The following SLX4IP variants were observed in gnomAD, a reference collection of about 807,000 sequenced individuals.
SLX4IP encodes protein SLX4IP.
SLX4IP carries 34 observed loss-of-function variants against 32.9 expected under a neutral mutation model. The observed-to-expected ratio is 1.03, with a 90% CI of 0.79 to 1.38. SLX4IP has a LOEUF of 1.38. SLX4IP is among the 40% of genes most tolerant of loss of function. The probability of loss-of-function intolerance (pLI) is 0.00; values close to 1 mark genes in which losing one functional copy is unlikely to be tolerated. For synonymous variants in SLX4IP, 172 were observed against 171.7 expected, an observed-to-expected ratio of 1.00 and a Z score of -0.01; for missense variants, 444 against 479.0, an observed-to-expected ratio of 0.93 and a Z score of 0.68.
intron 2 of SLX4IP, among the ~76,000 whole-genome samples, chr20:10,478,188 C>T (rs1439499843): frequency 2.0e-5 from 3 of 152,154 alleles, no homozygotes; most frequent in South Asian, 4.1e-4. Flanking sequence ...TGTGAGCCAC[C>T]GCGCCCGGCC....
At chr20:10,585,018 C>A (rs1022827120) in intron 4 of SLX4IP, among the ~76,000 whole-genome samples, 3 of 152,064 alleles carry the variant, frequency 2.0e-5, no homozygotes, top group African/African-American at 7.2e-5. Context: ...AGAAAGCAAG[C>A]AAGCATGCAA....
chr20:10,535,182 A>C (rs1049076423), intron 2 of SLX4IP, among the ~76,000 whole-genome samples: 1 of 152,106 alleles, frequency 6.6e-6, no homozygotes, highest in Admixed American at 6.5e-5. Context: ...CTTGGCCTGG[A>C]GGCATGGAAG....
chr20:10,480,112 G>A (rs2065508959), intron 2 of SLX4IP, among the ~76,000 whole-genome samples: 2 of 152,074 alleles, frequency 1.3e-5, no homozygotes, highest in African/African-American at 2.4e-5. Context: ...GTAGTCACTC[G>A]GTTGGGTGCG....
chr20:10,565,654 A>C (rs1428230183), intron 4 of SLX4IP, among the ~76,000 whole-genome samples: 3 of 152,256 alleles, frequency 2.0e-5, no homozygotes, highest in African/African-American at 7.2e-5. Context: ...AGTCATCAAA[A>C]CATAGGATGA....
chr20:10,558,004 C>A (rs957348261), intron 3 of SLX4IP, among the ~76,000 whole-genome samples: 3 of 152,150 alleles, frequency 2.0e-5, no homozygotes, highest in Non-Finnish European at 4.4e-5. Flanking sequence ...CCTCTCAAAA[C>A]CAAATGGTCG....
chr20:10,468,901 T>C (rs6074149), intron 2 of SLX4IP, among the ~76,000 whole-genome samples: 74,897 of 152,028 alleles, frequency 0.49, 19,946 homozygotes, highest in Non-Finnish European at 0.6. Flanking sequence ...TGTCCTATGC[T>C]TCTTTCATAT....
intron 3 of SLX4IP, among the ~76,000 whole-genome samples, chr20:10,558,646 T>C (rs1254537152): frequency 6.6e-6 from 1 of 152,204 alleles, no homozygotes; most frequent in Non-Finnish European, 1.5e-5. Context: ...GCAGCACGAG[T>C]AGTCTTTGTA....
chr20:10,567,048 T>C (rs1234100262), intron 4 of SLX4IP, among the ~76,000 whole-genome samples: 2 of 152,168 alleles, frequency 1.3e-5, no homozygotes, highest in African/African-American at 2.4e-5. Context: ...TGCTGGCAAA[T>C]TGGGCATTTG....
At chr20:10,593,273 G>A (rs2066733434) in intron 4 of SLX4IP, among the ~76,000 whole-genome samples, 1 of 151,996 alleles carries the variant, frequency 6.6e-6, no homozygotes. Context: ...TTATCATTAG[G>A]ACCAAATTTT....
intron 2 of SLX4IP, among the ~76,000 whole-genome samples, chr20:10,540,961 G>C (rs947665201): frequency 1.4e-4 from 21 of 152,286 alleles, no homozygotes; most frequent in Admixed American, 4.6e-4. Flanking sequence ...AGCAGTCATG[G>C]GATTGTTTCC....
At position 10,626,009 on chromosome 20, in the gene SLX4IP, CTTTTTTTTTTTTT is replaced by C. The variant is rs148432517; in HGVS notation, c.*2641_*2653del. ...TGGGAATGGTATGTGTTTTGACATT[CTTTTTTTTTTTTT>C]TTTTTTTTTTGAGACAGAGTCTCGC... On this transcript the variant is annotated 3_prime_UTR_variant, in exon 8 of 8. Transcript: ENST00000334534. 1.2e-5 allele frequency: 1 copy of C among 81,218 alleles called. No individual in the cohort carries two copies. The highest frequency in any genetic ancestry group is 2.4e-5 in the Non-Finnish European group (1 of 41,816). The allele number at this position is 81,218 out of a possible 1,614,324, so 5.0% of individuals were successfully genotyped here. A position where few individuals can be genotyped will look rare whatever the true frequency, so the allele number is the denominator to read the frequency against.
intron 3 of SLX4IP, 34 bp downstream of exon 3, chr20:10,556,354 T>G: frequency 6.4e-7 from 1 of 1,567,368 alleles, no homozygotes; most frequent in Non-Finnish European, 8.8e-7. Flanking sequence ...TAATTGCAAG[T>G]AGCTGCTGCT....
rs938126782 is a variant in SLX4IP, at chr20:10,624,232, G to A, written c.*853G>A. On this transcript the variant is annotated 3_prime_UTR_variant, in exon 8 of 8. Coordinates refer to ENST00000334534, the MANE Select transcript of SLX4IP (RefSeq NM_001009608.3). ...TTAGGAGAAGACATCAGAGAGGCTC[G>A]TTGTTGCCTGTAGCTCAAGCATGTC... 2 of 152,202 alleles carry A rather than the reference G, an allele frequency of 1.3e-5. No individual in the cohort carries two copies. The highest frequency in any genetic ancestry group is 1.9e-4 in the East Asian group (1 of 5,190). 9.4% of individuals were successfully genotyped at this position (152,202 alleles called of 1,614,324 possible).
At chr20:10,598,804 C>T in intron 5 of SLX4IP, 52 bp downstream of exon 5, 2 of 1,561,306 alleles carry the variant, frequency 1.3e-6, no homozygotes, top group Non-Finnish European at 8.8e-7. Flanking sequence ...TCTGCTTGCC[C>T]TAGATAGAGA....
chr20:10,449,603 G>A (rs1451054807), intron 1 of SLX4IP, among the ~76,000 whole-genome samples: 3 of 152,288 alleles, frequency 2.0e-5, no homozygotes, highest in East Asian at 1.9e-4. Context: ...TCTCATTAGG[G>A]GAATAGATGG....
At chr20:10,484,893 G>A (rs2122386842) in intron 2 of SLX4IP, among the ~76,000 whole-genome samples, 2 of 152,152 alleles carry the variant, frequency 1.3e-5, no homozygotes, top group South Asian at 4.2e-4. Context: ...GTACCCATGT[G>A]GGTACACCTG....
At position 10,625,419 on chromosome 20, in the gene SLX4IP, A is replaced by G. The variant is rs988304120; in HGVS notation, c.*2040A>G. 1.3e-5 allele frequency: 2 copies of G among 152,180 alleles called. No individual in the cohort carries two copies. The highest frequency in any genetic ancestry group is 4.1e-4 in the South Asian group (2 of 4,832). 9.4% of individuals were successfully genotyped at this position (152,180 alleles called of 1,614,324 possible). On this transcript the variant is annotated 3_prime_UTR_variant, in exon 8 of 8. Coordinates refer to ENST00000334534, the MANE Select transcript of SLX4IP (RefSeq NM_001009608.3). ...TGCCTGCTCCAGAACTAGGGGGGAGATATTTGAGCTGGAGCCACCAGAGAA... is the reference window on the plus strand; with the variant it reads ...TGCCTGCTCCAGAACTAGGGGGGAGGTATTTGAGCTGGAGCCACCAGAGAA...
intron 2 of SLX4IP, among the ~76,000 whole-genome samples, chr20:10,479,592 C>T (rs186406267): frequency 0.28 from 82 of 290 alleles, 3 homozygotes; most frequent in East Asian, 0.5. Context: ...CCTTGTGATC[C>T]GCCTGCCTTG....
intron 4 of SLX4IP, among the ~76,000 whole-genome samples, chr20:10,567,968 C>T (rs1377883529): frequency 1.3e-5 from 2 of 152,174 alleles, no homozygotes; most frequent in Non-Finnish European, 2.9e-5. Flanking sequence ...GAAGCTATTG[C>T]CTTTTCAGGT....
Sources: allele counts gnomAD v4.1 joint callset (sites outside exome capture counted in the v4.1 genomes callset), GRCh38; gene constraint gnomAD v4.1.1; transcripts MANE v1.5; gene names NCBI Gene and HGNC (gene_info 2026-07-23, HGNC 2026-07-21).